Variants in GTF2IRD1 observed in about 807,000 individuals in gnomAD.
GTF2IRD1 encodes the protein GTF2I repeat domain containing 1, also known as general transcription factor II-I repeat domain-containing protein 1.
In GTF2IRD1, 26 loss-of-function variants were observed where a neutral mutation model predicts 113.2. That is an observed-to-expected ratio of 0.23 (90% confidence interval 0.17 to 0.32). The LOEUF is 0.32. GTF2IRD1 is among the 10% of genes least tolerant of loss of function. The pLI, the probability that GTF2IRD1 is intolerant of heterozygous loss-of-function variation, is 1.00. For missense variants in GTF2IRD1, 864 were observed against 1,280.8 expected (o/e 0.67, Z 4.97); for synonymous variants, 484 against 529.1 (o/e 0.91, Z 1.17).
At position 74,555,764 on chromosome 7, in the gene GTF2IRD1, C is replaced by T. The variant is rs1799554739; in HGVS notation, c.2023+270C>T. 6.6e-6 allele frequency among the ~76,000 whole-genome samples: 1 copy of T among 152,110 alleles called. No individual in the cohort carries two copies. The highest frequency in any genetic ancestry group is 1.5e-5 in the Non-Finnish European group (1 of 68,024). ...TCCCTGCCCCACCCCCCAGAGGTAG[C>T]TGACACGCCCACTCCTTTTTCAGCA... On this transcript the variant is annotated intron_variant, in intron 19 of 26. Coordinates refer to ENST00000424337, the MANE Select transcript of GTF2IRD1 (RefSeq NM_005685.4). This position sits in a 1 kb window ranked among gnomAD's most constrained non-coding sequence, Gnocchi z 5.3.
At chr7:74,514,774 C>T (rs1191198978) in intron 3 of GTF2IRD1, among the ~76,000 whole-genome samples, 1 of 151,820 alleles carries the variant, frequency 6.6e-6, no homozygotes, top group African/African-American at 2.4e-5. Context: ...AGACAGTGTT[C>T]GTGTCAGAGC....
chr7:74,510,367 C>T (rs566749606), intron 2 of GTF2IRD1, among the ~76,000 whole-genome samples: 274 of 148,118 alleles, frequency 1.8e-3, no homozygotes, highest in African/African-American at 6.4e-3. Flanking sequence ...AGTGCAATGG[C>T]GCGATCTTGG....
intron 12 of GTF2IRD1, 95 bp from the exon 13 acceptor site, chr7:74,538,585 A>G (rs1317002293): frequency 9.5e-6 from 8 of 839,740 alleles, no homozygotes; most frequent in Non-Finnish European, 1.7e-5. Context: ...GGGCCTCACT[A>G]ACAAGTTACA....
At chr7:74,524,996 C>G (rs1322727061) in intron 8 of GTF2IRD1, among the ~76,000 whole-genome samples, 1 of 152,078 alleles carries the variant, frequency 6.6e-6, no homozygotes, top group African/African-American at 2.4e-5. Context: ...ACGATTGTAC[C>G]CCTGCACTCC....
intron 1 of GTF2IRD1, among the ~76,000 whole-genome samples, chr7:74,468,268 G>A (rs37627): frequency 0.073 from 11,133 of 151,944 alleles, 593 homozygotes; most frequent in Non-Finnish European, 0.11. Flanking sequence ...TCGGAAGGCC[G>A]AGATGGGCAG....
chr7:74,501,218 G>A (rs1481568907), intron 1 of GTF2IRD1, among the ~76,000 whole-genome samples: 1 of 152,120 alleles, frequency 6.6e-6, no homozygotes, highest in Non-Finnish European at 1.5e-5. Flanking sequence ...GTTGGGCAGT[G>A]CAGAGCCGAG....
At chr7:74,483,426 A>G (rs541361346) in intron 1 of GTF2IRD1, among the ~76,000 whole-genome samples, 71 of 152,122 alleles carry the variant, frequency 4.7e-4, no homozygotes, top group Non-Finnish European at 6.0e-4. Flanking sequence ...ATGTGTCTGC[A>G]GTTCCAGCTA....
intron 26 of GTF2IRD1, 174 bp downstream of exon 26, chr7:74,601,354 G>T (rs1453823838): frequency 2.0e-6 from 3 of 1,528,864 alleles, no homozygotes; most frequent in African/African-American, 2.7e-5. Context: ...CACCCAAGAG[G>T]TAGCCCATCC....
Position 74,555,430 on chromosome 7 carries a change from G to A in GTF2IRD1, c.1967-8G>A, listed in dbSNP as rs781983960. 64 of 1,613,738 alleles carry A rather than the reference G, an allele frequency of 4.0e-5. No homozygotes were observed. The highest frequency in any genetic ancestry group is 5.3e-5 in the Non-Finnish European group (62 of 1,179,760). On this transcript the variant is annotated splice_polypyrimidine_tract_variant and splice_region_variant and intron_variant, in intron 18 of 26. Coordinates refer to ENST00000424337, the MANE Select transcript of GTF2IRD1 (RefSeq NM_005685.4). The surrounding 1 kb of genome is among the most constrained non-coding windows in gnomAD (Gnocchi z 5.3). ...CACTTGGCTTCTCTCCCCCTGCCCT[G>A]CCCCCAGAGAGGGATTCCGGGGACC...
chr7:74,465,601 T>G (rs1244812325), intron 1 of GTF2IRD1, among the ~76,000 whole-genome samples: 1 of 152,152 alleles, frequency 6.6e-6, no homozygotes, highest in African/African-American at 2.4e-5. Flanking sequence ...TGAAGAACAC[T>G]TTGTCAGCTT....
rs1795543051 is a variant in GTF2IRD1, at chr7:74,494,466, G to T, written c.-6-13609G>T. 2.0e-5 allele frequency among the ~76,000 whole-genome samples: 3 copies of T among 152,322 alleles called. No individual in the cohort carries two copies. The South Asian group carries it at 6.2e-4, about 32-fold the overall frequency. On this transcript the variant is annotated intron_variant, in intron 1 of 26. Coordinates refer to ENST00000424337, the MANE Select transcript of GTF2IRD1 (RefSeq NM_005685.4). ...GCAAGGGTCTGAGAGTGAGTGAGTGGCTGGGGGAAGTCTAGCGCCTTTGGG... is the reference window on the plus strand; with the variant it reads ...GCAAGGGTCTGAGAGTGAGTGAGTGTCTGGGGGAAGTCTAGCGCCTTTGGG...
At position 74,545,645 on chromosome 7, in the gene GTF2IRD1, A is replaced by G. The variant is rs1362212029; in HGVS notation, c.1667-99A>G. ...CCAGCCCCAGCCTTCCCCCATTCCA[A>G]GATCCCACCACAGGGCCAATGTTGG... On this transcript the variant is annotated intron_variant, in intron 15 of 26. Coordinates refer to ENST00000424337, the MANE Select transcript of GTF2IRD1 (RefSeq NM_005685.4). The G allele has an allele frequency of 7.6e-5, 67 of 887,176 alleles. No homozygotes were observed. The Admixed American group carries it at 8.1e-4, about 11-fold the overall frequency. The allele number at this position is 887,176 out of a possible 1,614,324, so 55.0% of individuals were successfully genotyped here. A position where few individuals can be genotyped will look rare whatever the true frequency, so the allele number is the denominator to read the frequency against.
intron 1 of GTF2IRD1, among the ~76,000 whole-genome samples, chr7:74,477,853 G>C (rs369169220): frequency 6.6e-6 from 1 of 152,124 alleles, no homozygotes; most frequent in Non-Finnish European, 1.5e-5. Context: ...GCCTTTTCCC[G>C]ACAAGAAAAG....
At chr7:74,585,174 G>T (rs191707569) in intron 22 of GTF2IRD1, among the ~76,000 whole-genome samples, 2 of 148,316 alleles carry the variant, frequency 1.3e-5, no homozygotes, top group Admixed American at 1.4e-4. Context: ...GTGCAGTGGC[G>T]CAATCTCAGC....
intron 22 of GTF2IRD1, among the ~76,000 whole-genome samples, chr7:74,574,482 A>G (rs1294299811): frequency 2.2e-5 from 3 of 137,498 alleles, no homozygotes; most frequent in Admixed American, 7.5e-5. Context: ...TTTTTAAGGC[A>G]GGGTCTCTCT....
In GTF2IRD1 at chr7:74,539,974, A is replaced by T; in HGVS notation, c.1618+6A>T. On this transcript the variant is annotated splice_donor_region_variant and intron_variant, in intron 14 of 26. Transcript: ENST00000424337. ...TGGGATGGAGATGCTGACAGGTAAG[A>T]AATGGACCTGGGCTGGTGGTGCTTG... is the stretch of plus-strand genomic sequence containing the variant. 1 of 1,601,780 alleles carries T rather than the reference A, an allele frequency of 6.2e-7. No homozygotes were observed. Among genetic ancestry groups the T allele is most frequent in the Non-Finnish European group, 8.6e-7 (1 of 1,169,180 alleles).
At chr7:74,526,795 G>A (rs587622187) in intron 8 of GTF2IRD1, among the ~76,000 whole-genome samples, 45 of 152,096 alleles carry the variant, frequency 3.0e-4, no homozygotes, top group Admixed American at 1.4e-3. Context: ...GCTGATGTGG[G>A]AGGTGGGGGG....
rs188074509 is a variant in GTF2IRD1 at position 74,539,931 on chromosome 7, A to G, written c.1581A>G (p.Pro527=). The G allele has an allele frequency of 4.3e-5, 70 of 1,613,500 alleles. 1 individual carries two copies. In the Admixed American group the frequency reaches 5.3e-4, roughly 12 times the overall value. The change falls in exon 14 of 27, where the codon CCA becomes CCG. Residue 527 remains proline, a synonymous_variant. Transcript: ENST00000424337. The part of the protein sequence containing the change: ...EMTDSMPGHL[P]SEDSGYGMEM... Reference sequence around the variant, plus strand: ...CAGACTCGATGCCTGGGCACCTGCCATCGGAGGATTCTGGTTATGGGATGG... The same window carrying G: ...CAGACTCGATGCCTGGGCACCTGCCGTCGGAGGATTCTGGTTATGGGATGG...
chr7:74,479,614 G>A (rs933398318), intron 1 of GTF2IRD1, among the ~76,000 whole-genome samples: 10 of 152,238 alleles, frequency 6.6e-5, no homozygotes, highest in East Asian at 3.9e-4. Context: ...GGAGGGTCCC[G>A]GCAGCTCAGG....
Sources: gnomAD v4.1 joint callset for allele counts (sites outside exome capture counted in the v4.1 genomes callset) on GRCh38, gnomAD v4.1.1 for gene constraint, Gnocchi (gnomAD v3.1) non-coding constraint, MANE v1.5 for transcripts, NCBI Gene and HGNC (gene_info 2026-07-23, HGNC 2026-07-21) for gene names.